MMP16: variants seen among roughly 807,000 people sequenced by gnomAD.
The protein encoded by MMP16 is matrix metallopeptidase 16.
MMP16 carries 12 observed loss-of-function variants against 67.8 expected under a neutral mutation model. The ratio of observed to expected loss-of-function variants is 0.18; its 90% CI spans 0.11 to 0.29. The LOEUF is 0.29. MMP16 is among the 10% of genes least tolerant of loss of function. The probability of loss-of-function intolerance (pLI) is 1.00; values close to 1 mark genes in which losing one functional copy is unlikely to be tolerated. For synonymous variants in MMP16, 249 were observed against 255.9 expected, an observed-to-expected ratio of 0.97 and a Z score of 0.26; for missense variants, 475 against 765.7, an observed-to-expected ratio of 0.62 and a Z score of 4.48.
rs899781279 is a variant in MMP16 at position 88,197,734 on chromosome 8, C to T, written c.133-428G>A. ...ATGTGCATATACCACATTAAAAAAG[C>T]CGTCTTCCTGAAATTGACCAGTGAC... On this transcript the variant is annotated intron_variant, in intron 1 of 9. Coordinates refer to ENST00000286614, the MANE Select transcript of MMP16 (RefSeq NM_005941.5). Among the ~76,000 whole-genome samples the T allele has an allele frequency of 2.0e-5, 3 of 152,216 alleles. No individual in the cohort carries two copies. In the East Asian group the frequency reaches 5.8e-4, roughly 29 times the overall value.
intron 6 of MMP16, among the ~76,000 whole-genome samples, chr8:88,099,800 G>A (rs1809103626): frequency 6.6e-6 from 1 of 151,882 alleles, no homozygotes; most frequent in Non-Finnish European, 1.5e-5. Context: ...AAATGAAAAT[G>A]AAACAATTTA....
chr8:88,309,534 G>GC (rs1354679987), intron 1 of MMP16, among the ~76,000 whole-genome samples: 1 of 151,874 alleles, frequency 6.6e-6, no homozygotes, highest in Non-Finnish European at 1.5e-5. Context: ...ACTGAAACCT[G>GC]CAACTCTTGG....
chr8:88,151,029 A>C (rs902870882), intron 4 of MMP16, among the ~76,000 whole-genome samples: 9 of 139,632 alleles, frequency 6.4e-5, no homozygotes, highest in Non-Finnish European at 1.2e-4. Flanking sequence ...TCTACCAAGC[A>C]AATGGAAAAC....
chr8:88,312,528 T>A (rs1811311282), intron 1 of MMP16, among the ~76,000 whole-genome samples: 2 of 152,116 alleles, frequency 1.3e-5, no homozygotes, highest in African/African-American at 4.8e-5. Flanking sequence ...AGTTTTGACA[T>A]ACACAGACCA....
intron 1 of MMP16, among the ~76,000 whole-genome samples, chr8:88,323,808 A>G (rs1811496487): frequency 6.6e-6 from 1 of 152,028 alleles, no homozygotes; most frequent in Non-Finnish European, 1.5e-5. Context: ...CCACAGGATC[A>G]TGAAAATCCC....
At chr8:88,195,396 G>A (rs2139482) in intron 2 of MMP16, among the ~76,000 whole-genome samples, 97,801 of 152,030 alleles carry the variant, frequency 0.64, 33,630 homozygotes, top group Non-Finnish European at 0.79. Flanking sequence ...CAAGTCCTCA[G>A]TTTATTTGTA....
At position 88,136,691 on chromosome 8, in the gene MMP16, G is replaced by T. The variant is rs1808124438; in HGVS notation, c.710-17830C>A. ...TCATATTAAATACATTAAATAAAATGAATTCATATTTAATATGAATTAAAT... is the reference window on the plus strand; with the variant it reads ...TCATATTAAATACATTAAATAAAATTAATTCATATTTAATATGAATTAAAT... On this transcript the variant is annotated intron_variant, in intron 4 of 9. Transcript: ENST00000286614. Among the ~76,000 whole-genome samples, 3 of 151,410 alleles carry T rather than the reference G, an allele frequency of 2.0e-5. No individual in the cohort carries two copies. The South Asian group carries it at 6.2e-4, about 31-fold the overall frequency.
At chr8:88,070,984 T>G (rs1294817318) in intron 7 of MMP16, among the ~76,000 whole-genome samples, 1 of 152,092 alleles carries the variant, frequency 6.6e-6, no homozygotes, top group Non-Finnish European at 1.5e-5. Context: ...TTTAACATAC[T>G]AAAAAGCAGT....
chr8:88,069,073 A>C (rs1808507076), intron 7 of MMP16, among the ~76,000 whole-genome samples: 1 of 152,134 alleles, frequency 6.6e-6, no homozygotes, highest in Non-Finnish European at 1.5e-5. Flanking sequence ...TGAATTTTAG[A>C]ATCAGCTTGA....
chr8:88,147,684 T>G (rs1023993484), intron 4 of MMP16, among the ~76,000 whole-genome samples: 1 of 151,564 alleles, frequency 6.6e-6, no homozygotes, highest in African/African-American at 2.4e-5. Flanking sequence ...ACTATGGGAG[T>G]TTCCTGTGAA....
At chr8:88,126,984 C>T (rs1316020661) in intron 4 of MMP16, among the ~76,000 whole-genome samples, 3 of 151,806 alleles carry the variant, frequency 2.0e-5, no homozygotes, top group Non-Finnish European at 4.4e-5. Flanking sequence ...AACCTTACAA[C>T]AAACTTTTGA....
intron 4 of MMP16, among the ~76,000 whole-genome samples, chr8:88,131,268 TACACACAC>T (rs111863181): frequency 1.4e-5 from 2 of 146,962 alleles, no homozygotes; most frequent in South Asian, 2.2e-4. Flanking sequence ...TATAGTATTA[TACACACAC>T]ACACACACAC....
rs1364087516 is a variant in MMP16, at chr8:88,041,904, C to T, written c.1490-109G>A. 1.2e-6 allele frequency: 1 copy of T among 810,840 alleles called. No individual in the cohort carries two copies. The highest frequency in any genetic ancestry group is 1.9e-6 in the Non-Finnish European group (1 of 524,718). 50.2% of individuals were successfully genotyped at this position (810,840 alleles called of 1,614,324 possible). The stretch of plus-strand genomic sequence containing the variant: ...GTCTTAAGAGATGTATTTTAAGGCC[C>T]TTTAATTTTCATAGGAAGAAAACAC... On this transcript the variant is annotated intron_variant, in intron 9 of 9. Coordinates refer to ENST00000286614, the MANE Select transcript of MMP16 (RefSeq NM_005941.5). This position sits in a 1 kb window ranked among gnomAD's most constrained non-coding sequence, Gnocchi z 6.0.
At chr8:88,079,675 A>T (rs974843882) in intron 6 of MMP16, among the ~76,000 whole-genome samples, 1 of 152,176 alleles carries the variant, frequency 6.6e-6, no homozygotes, top group Non-Finnish European at 1.5e-5. Context: ...TGTCCCTTCA[A>T]ATTCTTATGT....
intron 2 of MMP16, among the ~76,000 whole-genome samples, chr8:88,189,777 T>C (rs1809136772): frequency 6.6e-6 from 1 of 152,112 alleles, no homozygotes; most frequent in African/African-American, 2.4e-5. Flanking sequence ...TCCTAATTAT[T>C]CTTTAATATT....
chr8:88,317,456 G>A (rs1041413903), intron 1 of MMP16, among the ~76,000 whole-genome samples: 3 of 151,968 alleles, frequency 2.0e-5, no homozygotes, highest in Admixed American at 1.3e-4. Flanking sequence ...TGCTTTTTTA[G>A]GTATAATGCT....
intron 8 of MMP16, among the ~76,000 whole-genome samples, chr8:88,053,139 G>C (rs1397583791): frequency 6.6e-6 from 1 of 152,158 alleles, no homozygotes; most frequent in Non-Finnish European, 1.5e-5. Context: ...GCAGGCACTA[G>C]AGCTACTGAG....
At chr8:88,224,249 C>T (rs1178979903) in intron 1 of MMP16, among the ~76,000 whole-genome samples, 1 of 151,976 alleles carries the variant, frequency 6.6e-6, no homozygotes, top group Non-Finnish European at 1.5e-5. Context: ...AAACAAAGTT[C>T]CAGTTTAATC....
intron 1 of MMP16, among the ~76,000 whole-genome samples, chr8:88,278,964 T>C (rs1476281880): frequency 1.3e-5 from 2 of 152,108 alleles, no homozygotes; most frequent in Non-Finnish European, 2.9e-5. Flanking sequence ...CATGTGGCTA[T>C]TGAACACTTG....
Sources: gnomAD v4.1 joint callset for allele counts (sites outside exome capture counted in the v4.1 genomes callset) on GRCh38, gnomAD v4.1.1 for gene constraint, Gnocchi (gnomAD v3.1) non-coding constraint, MANE v1.5 for transcripts, NCBI Gene and HGNC (gene_info 2026-07-23, HGNC 2026-07-21) for gene names.